KCNQ2: variants seen among roughly 807,000 people sequenced by gnomAD.
KCNQ2 encodes the protein potassium voltage-gated channel subfamily KQT member 2.
A neutral mutation model predicts 84.8 loss-of-function variants in KCNQ2; 14 were observed. The ratio of observed to expected loss-of-function variants is 0.17; its 90% CI spans 0.11 to 0.26. The LOEUF is 0.26. Ranked by LOEUF, KCNQ2 falls within the 10% of genes least tolerant of loss-of-function variation. The pLI is 1.00. For synonymous variants in KCNQ2, 599 were observed against 554.1 expected, an observed-to-expected ratio of 1.08 and a Z score of -1.14; for missense variants, 788 against 1,254.0, an observed-to-expected ratio of 0.63 and a Z score of 5.61.
Position 63,412,484 on chromosome 20 carries a change from G to A in KCNQ2, c.1763+966C>T, listed in dbSNP as rs376512998. 6.2e-4 allele frequency among the ~76,000 whole-genome samples: 94 copies of A among 152,344 alleles called. 2 individuals carry two copies. The South Asian group carries it at 0.018, about 29-fold the overall frequency. On this transcript the variant is annotated intron_variant, in intron 15 of 16. Transcript: ENST00000359125. ...AGAGGCCTCACAGCTGGAGCCCAGC[G>A]GGGTGAAGGGGATGGCTCAGTGGCC...
chr20:63,412,115 C>T (rs553939484), intron 15 of KCNQ2: 72 of 503,146 alleles, frequency 1.4e-4, no homozygotes, highest in South Asian at 6.1e-4. Context: ...GGCCCCACTG[C>T]GGAGACCCGG....
At chr20:63,418,239 C>T (rs762247294) in intron 12 of KCNQ2, among the ~76,000 whole-genome samples, 1 of 152,234 alleles carries the variant, frequency 6.6e-6, no homozygotes, top group Non-Finnish European at 1.5e-5. Flanking sequence ...GAGGAGCCCT[C>T]GGCCAGAGCT....
At chr20:63,432,049 C>T in intron 8 of KCNQ2, among the ~76,000 whole-genome samples, 11 of 148,746 alleles carry the variant, frequency 7.4e-5, no homozygotes, top group Non-Finnish European at 9.0e-5. Context: ...GAAGGATCCA[C>T]CCACAGGGAA....
intron 9 of KCNQ2, among the ~76,000 whole-genome samples, chr20:63,428,938 G>C (rs949750229): frequency 6.6e-6 from 1 of 152,102 alleles, no homozygotes; most frequent in Non-Finnish European, 1.5e-5. Context: ...TCATTCTGGA[G>C]TCTATAGGAT....
Position 63,446,653 on chromosome 20 carries a change from G to T in KCNQ2, c.387+94C>A. 1.9e-6 allele frequency: 2 copies of T among 1,055,384 alleles called. No individual in the cohort carries two copies. The highest frequency in any genetic ancestry group is 2.5e-5 in the South Asian group (2 of 78,648). 65.4% of individuals were successfully genotyped at this position (1,055,384 alleles called of 1,614,324 possible). On this transcript the variant is annotated intron_variant, in intron 2 of 16. Coordinates refer to ENST00000359125, the MANE Select transcript of KCNQ2 (RefSeq NM_172107.4). The surrounding 1 kb of genome is among the most constrained non-coding windows in gnomAD (Gnocchi z 5.5). ...GCCAGAGCTGGGGCTGGGGGCGTCA[G>T]AGGCCCTGTAGTAACAGGAACGGAA...
intron 15 of KCNQ2, chr20:63,411,728 G>A: frequency 1.7e-6 from 1 of 582,408 alleles, no homozygotes; most frequent in Non-Finnish European, 3.1e-6. Flanking sequence ...TGGAGCGAAG[G>A]GGCCGGCCAT....
chr20:63,435,529 C>T (rs183201343), intron 7 of KCNQ2, among the ~76,000 whole-genome samples: 14 of 152,232 alleles, frequency 9.2e-5, no homozygotes, highest in African/African-American at 2.9e-4. Flanking sequence ...TTGGGATGGA[C>T]GGTGAACACT....
At chr20:63,431,419 A>C in intron 8 of KCNQ2, 50 bp from the exon 9 acceptor site, 1 of 1,590,116 alleles carries the variant, frequency 6.3e-7, no homozygotes, top group Non-Finnish European at 8.6e-7. Flanking sequence ...AAAATTTCAA[A>C]AAGAACGGGA....
intron 9 of KCNQ2, among the ~76,000 whole-genome samples, chr20:63,429,589 C>T (rs1481968223): frequency 1.3e-5 from 2 of 152,234 alleles, no homozygotes; most frequent in East Asian, 1.9e-4. Context: ...TGCCTCTGCC[C>T]ACCCAGGCTT....
intron 1 of KCNQ2, among the ~76,000 whole-genome samples, chr20:63,467,346 CCAGCTCCTCTA>C (rs1214709336): frequency 6.6e-5 from 10 of 152,360 alleles, no homozygotes; most frequent in Admixed American, 4.6e-4. Flanking sequence ...AGCTTCAGGC[CCAGCTCCTCTA>C]CGGCTCCTCT....
chr20:63,403,035 C>A lies in KCNQ2; in HGVS notation c.*3609G>T, dbSNP rs2079841043. The A allele has an allele frequency of 1.3e-5, 2 of 152,284 alleles. No homozygotes were observed. Among genetic ancestry groups the A allele is most frequent in the Admixed American group, 1.3e-4 (2 of 15,288 alleles). The allele number at this position is 152,284 out of a possible 1,614,324, so 9.4% of individuals were successfully genotyped here. A position where few individuals can be genotyped will look rare whatever the true frequency, so the allele number is the denominator to read the frequency against. On this transcript the variant is annotated 3_prime_UTR_variant, in exon 17 of 17. Coordinates refer to ENST00000359125, the MANE Select transcript of KCNQ2 (RefSeq NM_172107.4). ...GCCTGGGATTCGAGGCTGAGCCACCCATCCCAGGAGGGCCCAGCACCTCCA... is the reference window on the plus strand; with the variant it reads ...GCCTGGGATTCGAGGCTGAGCCACCAATCCCAGGAGGGCCCAGCACCTCCA...
rs2082235997 is a variant in KCNQ2 at position 63,472,280 on chromosome 20, C to T, written c.184G>A (p.Ala62Thr). Reference sequence around the variant, plus strand: ...CGCTTGGGGGGCTTCCCGGCGCCCGCGCCGCCCGCGCGAGGTTTGCTGAGG... The same window carrying T: ...CGCTTGGGGGGCTTCCCGGCGCCCGTGCCGCCCGCGCGAGGTTTGCTGAGG... ...SILSKPRAGG[A>T]GAGKPPKRNA... The change falls in exon 1 of 17, where the codon GCG becomes ACG. Residue 62 changes from alanine to threonine, a missense_variant. By Grantham distance (58) the Ala-to-Thr change is moderately conservative (BLOSUM62 0). This residue lies in a region of KCNQ2 where 106 missense variants were observed against 214.8 expected (regional missense o/e 0.49). Coordinates refer to ENST00000359125, the MANE Select transcript of KCNQ2 (RefSeq NM_172107.4). 1.3e-6 allele frequency: 2 copies of T among 1,536,776 alleles called. No homozygotes were observed. The highest frequency in any genetic ancestry group is 1.8e-6 in the Non-Finnish European group (2 of 1,141,874).
At chr20:63,450,441 C>T (rs867548259) in intron 1 of KCNQ2, among the ~76,000 whole-genome samples, 17 of 108,498 alleles carry the variant, frequency 1.6e-4, no homozygotes, top group South Asian at 3.6e-4. Context: ...AGGTGTGGGA[C>T]GCTGTGGCTG....
chr20:63,419,129 G>T (rs1601589171), intron 12 of KCNQ2, among the ~76,000 whole-genome samples: 1 of 152,238 alleles, frequency 6.6e-6, no homozygotes, highest in East Asian at 1.9e-4. Flanking sequence ...AACCAGGCCT[G>T]TTGTTGGGAG....
rs1306870409 is a variant in KCNQ2, at chr20:63,407,453, G to C, written c.1888-78C>G. 2 of 1,503,776 alleles carry C rather than the reference G, an allele frequency of 1.3e-6. No homozygotes were observed. Among genetic ancestry groups the C allele is most frequent in the East Asian group, 4.6e-5 (2 of 43,784 alleles). The allele number at this position is 1,503,776 out of a possible 1,614,324, so 93.2% of individuals were successfully genotyped here. ...GGGACCCAGGCTGCTCCCAGGAAAT[G>C]GGGGGGCCCAGGCTGGTTCCAGGAA... is the stretch of plus-strand genomic sequence containing the variant. On this transcript the variant is annotated intron_variant, in intron 16 of 16. Coordinates refer to ENST00000359125, the MANE Select transcript of KCNQ2 (RefSeq NM_172107.4). This position sits in a 1 kb window ranked among gnomAD's most constrained non-coding sequence, Gnocchi z 7.2.
chr20:63,458,624 C>G (rs376891785), intron 1 of KCNQ2, among the ~76,000 whole-genome samples: 7 of 152,220 alleles, frequency 4.6e-5, no homozygotes, highest in East Asian at 1.9e-4. Context: ...ACTGTCCCCC[C>G]AGAGCAGCGG....
chr20:63,435,492 T>C (rs2080967525), intron 7 of KCNQ2, among the ~76,000 whole-genome samples: 1 of 152,038 alleles, frequency 6.6e-6, no homozygotes. Context: ...GGAGCAGCAT[T>C]TATGGATGAG....
intron 1 of KCNQ2, among the ~76,000 whole-genome samples, chr20:63,469,295 C>T (rs969041241): frequency 5.3e-5 from 8 of 152,358 alleles, no homozygotes; most frequent in Admixed American, 5.2e-4. Flanking sequence ...CCCGCCCCGA[C>T]CAGGCAGAGA....
chr20:63,406,887 G>T lies in KCNQ2; in HGVS notation c.2376C>A (p.Ser792=). 1 of 1,611,772 alleles carries T rather than the reference G, an allele frequency of 6.2e-7. No homozygotes were observed. The highest frequency in any genetic ancestry group is 2.2e-5 in the East Asian group (1 of 44,854). The change falls in exon 17 of 17, where the codon TCC becomes TCA. Residue 792 remains serine, a synonymous_variant. Coordinates refer to ENST00000359125, the MANE Select transcript of KCNQ2 (RefSeq NM_172107.4). ...AACGCTCCAGCTCCTCGTGGTCCACGGACGGGATGGAGATGGACGTGTCGC... is the reference window on the plus strand; with the variant it reads ...AACGCTCCAGCTCCTCGTGGTCCACTGACGGGATGGAGATGGACGTGTCGC... ...RDSDTSISIP[S]VDHEELERSF...
Sources: gnomAD v4.1 joint callset for allele counts (sites outside exome capture counted in the v4.1 genomes callset) on GRCh38, gnomAD v4.1.1 for gene constraint, gnomAD v4.1.1 regional missense constraint, Gnocchi (gnomAD v3.1) non-coding constraint, MANE v1.5 for transcripts, NCBI Gene and HGNC (gene_info 2026-07-23, HGNC 2026-07-21) for gene names.